The following LHFPL2 variants were observed in gnomAD, a reference collection of about 807,000 sequenced individuals.
LHFPL2 encodes LHFPL tetraspan subfamily member 2, also known as LHFPL tetraspan subfamily member 2 protein.
A neutral mutation model predicts 17.5 loss-of-function variants in LHFPL2; 7 were observed. The observed-to-expected ratio is 0.40, with a 90% CI of 0.23 to 0.75. LHFPL2 has a LOEUF of 0.75. Among genes scored for constraint, LHFPL2 ranks in the 30% least tolerant of loss-of-function variants. LHFPL2 has a pLI of 0.37. For missense variants in LHFPL2, 241 were observed against 294.8 expected, an observed-to-expected ratio of 0.82 and a Z score of 1.34; for synonymous variants, 134 against 116.2, an observed-to-expected ratio of 1.15 and a Z score of -0.99.
At chr5:78,647,306 A>G (rs1745918909) in intron 1 of LHFPL2, among the ~76,000 whole-genome samples, 1 of 152,234 alleles carries the variant, frequency 6.6e-6, no homozygotes. Context: ...TACCAGCAAA[A>G]GTCAACATCA....
intron 3 of LHFPL2, among the ~76,000 whole-genome samples, chr5:78,528,387 G>A (rs949843138): frequency 6.6e-6 from 1 of 152,198 alleles, no homozygotes; most frequent in African/African-American, 2.4e-5. Flanking sequence ...TCTCATAGGA[G>A]CACAAACCCT....
intron 2 of LHFPL2, among the ~76,000 whole-genome samples, chr5:78,597,852 C>T (rs1452084313): frequency 6.6e-6 from 1 of 152,148 alleles, no homozygotes; most frequent in Non-Finnish European, 1.5e-5. Context: ...TCTTCATATG[C>T]ATTGGTATCA....
intron 3 of LHFPL2, among the ~76,000 whole-genome samples, chr5:78,550,460 A>G (rs1004671718): frequency 1.3e-5 from 2 of 152,236 alleles, no homozygotes; most frequent in African/African-American, 2.4e-5. Context: ...AATAGTCCCT[A>G]TGCATGGAGA....
chr5:78,512,059 C>T (rs1561314452), intron 3 of LHFPL2, among the ~76,000 whole-genome samples: 1 of 152,082 alleles, frequency 6.6e-6, no homozygotes, highest in Admixed American at 6.5e-5. Context: ...ACTGAAGCAC[C>T]CAGCACAGTG....
intron 4 of LHFPL2, among the ~76,000 whole-genome samples, chr5:78,503,952 G>A (rs1250928309): frequency 1.3e-5 from 2 of 152,078 alleles, no homozygotes; most frequent in Non-Finnish European, 2.9e-5. Flanking sequence ...GCACATAGTA[G>A]GCATCCAATA....
intron 1 of LHFPL2, among the ~76,000 whole-genome samples, chr5:78,639,644 AC>A (rs998120900): frequency 6.7e-6 from 1 of 150,008 alleles, no homozygotes; most frequent in African/African-American, 2.5e-5. Flanking sequence ...TAAAAAAAAA[AC>A]AAATGTGATT....
chr5:78,521,676 G>A (rs562888053), intron 3 of LHFPL2, among the ~76,000 whole-genome samples: 3 of 152,320 alleles, frequency 2.0e-5, no homozygotes, highest in East Asian at 1.9e-4. Flanking sequence ...AGTCAGCCAC[G>A]CACATCCTAA....
chr5:78,598,677 T>G (rs1743905180), intron 2 of LHFPL2, among the ~76,000 whole-genome samples: 1 of 152,180 alleles, frequency 6.6e-6, no homozygotes, highest in Non-Finnish European at 1.5e-5. Context: ...ATGGGATTCT[T>G]TTTATAGCAT....
chr5:78,579,243 G>T (rs1477965825), intron 2 of LHFPL2, among the ~76,000 whole-genome samples: 1 of 152,034 alleles, frequency 6.6e-6, no homozygotes, highest in African/African-American at 2.4e-5. Context: ...GGAGAGGGAG[G>T]GGGAGCAGGA....
chr5:78,584,995 GTTTTTTTTTTTT>G (rs1163195083), intron 2 of LHFPL2, among the ~76,000 whole-genome samples: 9 of 40,528 alleles, frequency 2.2e-4, no homozygotes, highest in Admixed American at 7.4e-4. Flanking sequence ...GGTGCGCTGT[GTTTTTTTTTTTT>G]TTTTTTTTTT....
chr5:78,559,709 G>A (rs1354104880), intron 3 of LHFPL2, among the ~76,000 whole-genome samples: 2 of 152,162 alleles, frequency 1.3e-5, no homozygotes, highest in African/African-American at 4.8e-5. Flanking sequence ...AGTAAAGGGA[G>A]AAGGTTGTTA....
intron 4 of LHFPL2, among the ~76,000 whole-genome samples, chr5:78,500,544 C>T (rs1239628951): frequency 1.3e-5 from 2 of 152,254 alleles, no homozygotes; most frequent in East Asian, 1.9e-4. Flanking sequence ...TGGTTCTGTA[C>T]CCTACAAGCC....
intron 2 of LHFPL2, among the ~76,000 whole-genome samples, chr5:78,575,087 T>G (rs2112431947): frequency 6.6e-6 from 1 of 152,308 alleles, no homozygotes; most frequent in East Asian, 1.9e-4. Flanking sequence ...GCCAGTGGAT[T>G]ATAAAACAGG....
At chr5:78,618,664 C>G (rs73148046) in intron 2 of LHFPL2, among the ~76,000 whole-genome samples, 2,015 of 152,270 alleles carry the variant, frequency 0.013, 47 homozygotes, top group African/African-American at 0.046. Flanking sequence ...AGAAGTCAGT[C>G]CGGTGACACG....
intron 2 of LHFPL2, among the ~76,000 whole-genome samples, chr5:78,619,097 C>G (rs1485114814): frequency 6.6e-6 from 1 of 152,154 alleles, no homozygotes; most frequent in African/African-American, 2.4e-5. Flanking sequence ...GCAATCTCAG[C>G]TTACTGCAAC....
At chr5:78,593,047 C>T (rs997310043) in intron 2 of LHFPL2, among the ~76,000 whole-genome samples, 5 of 152,104 alleles carry the variant, frequency 3.3e-5, no homozygotes, top group Non-Finnish European at 7.4e-5. Flanking sequence ...AACAGGTGCT[C>T]CCATGCCTGG....
chr5:78,540,189 GC>G (rs746251002), intron 3 of LHFPL2, among the ~76,000 whole-genome samples: 3 of 152,176 alleles, frequency 2.0e-5, no homozygotes, highest in Non-Finnish European at 2.9e-5. Context: ...CTGCCTGTAC[GC>G]TAAGAGACAT....
rs1050674 is a variant in LHFPL2, at chr5:78,487,266, G to C, written c.*1631C>G. 0.38 allele frequency: 57,869 copies of C among 152,006 alleles called. 12,838 individuals are homozygous for C. Among genetic ancestry groups the C allele is most frequent in the Non-Finnish European group, 0.5 (34,179 of 67,948 alleles). The allele number at this position is 152,006 out of a possible 1,614,324, so 9.4% of individuals were successfully genotyped here. On this transcript the variant is annotated 3_prime_UTR_variant, in exon 5 of 5. Transcript: ENST00000380345. ...ACTGCGGTTGTCCCATTCCATCTCT[G>C]TATAATTATCTGTTCTGCACCAAGA...
chr5:78,646,027 T>G (rs1745866823), intron 1 of LHFPL2, among the ~76,000 whole-genome samples: 1 of 152,226 alleles, frequency 6.6e-6, no homozygotes, highest in Non-Finnish European at 1.5e-5. Context: ...ATTACTATAG[T>G]TTTCTTTCTA....
Sources: gnomAD v4.1 joint callset for allele counts (sites outside exome capture counted in the v4.1 genomes callset) on GRCh38, gnomAD v4.1.1 for gene constraint, MANE v1.5 for transcripts, NCBI Gene and HGNC (gene_info 2026-07-23, HGNC 2026-07-21) for gene names.